Variants in FAM149A observed in about 807,000 individuals in gnomAD.
FAM149A encodes the protein protein FAM149A.
Under a neutral mutation model 78.2 loss-of-function variants are expected in FAM149A, and 71 were observed. The ratio of observed to expected loss-of-function variants is 0.91; its 90% confidence interval spans 0.75 to 1.11. FAM149A has a LOEUF of 1.11. FAM149A is among the 50% of genes least tolerant of loss of function. The pLI is 0.00. For missense variants in FAM149A, 1,036 were observed against 971.0 expected (o/e 1.07, Z -0.89); for synonymous variants, 446 against 410.5 (o/e 1.09, Z -1.04).
intron 1 of FAM149A, among the ~76,000 whole-genome samples, chr4:186,128,394 CAAG>C (rs1277049436): frequency 1.3e-5 from 2 of 151,714 alleles, no homozygotes; most frequent in African/African-American, 4.8e-5. Context: ...TTAGATGATA[CAAG>C]AGTGAAGGGA....
intron 1 of FAM149A, chr4:186,124,336 A>G (rs1234342126): frequency 7.9e-5 from 30 of 379,990 alleles, no homozygotes; most frequent in Non-Finnish European, 1.0e-4. Flanking sequence ...ATATGTATAC[A>G]TGTGCCATGT....
chr4:186,133,320 T>G, intron 1 of FAM149A: 1 of 422,114 alleles, frequency 2.4e-6, no homozygotes, highest in Non-Finnish European at 3.2e-6. Flanking sequence ...TTTCATCATC[T>G]CAAACAAACT....
In FAM149A at chr4:186,162,836, T is replaced by G. The variant is rs1266786843; in HGVS notation, c.1576-9T>G. The G allele has an allele frequency of 1.4e-5, 13 of 935,518 alleles. No homozygotes were observed. Among genetic ancestry groups the G allele is most frequent in the Non-Finnish European group, 2.0e-5 (12 of 604,656 alleles). The allele number at this position is 935,518 out of a possible 1,614,324, so 58.0% of individuals were successfully genotyped here. On this transcript the variant is annotated splice_polypyrimidine_tract_variant and intron_variant, in intron 8 of 13. Transcript: ENST00000389354. Reference sequence around the variant, plus strand: ...TTTTTTTTTTTTTTTTTTTTTTTACTGTTCTCAGATTCATCACTTCTCCAG... The same window carrying G: ...TTTTTTTTTTTTTTTTTTTTTTTACGGTTCTCAGATTCATCACTTCTCCAG...
Position 186,144,717 on chromosome 4 carries a change from TC to T in FAM149A, c.567-4455del. ...CGGGGAAGGCGCGCTTTCCCGGAGG[TC>T]GGCGCGGGGCCGGGGCCGGGGCCGG... On this transcript the variant is annotated intron_variant, in intron 1 of 13. Coordinates refer to ENST00000389354, the MANE Select transcript of FAM149A (RefSeq NM_001367768.3). The surrounding 1 kb of genome is among the most constrained non-coding windows in gnomAD (Gnocchi z 4.2). 2.3e-6 allele frequency: 1 copy of T among 443,386 alleles called. No individual in the cohort carries two copies. The highest frequency in any genetic ancestry group is 2.8e-6 in the Non-Finnish European group (1 of 362,236). 27.5% of individuals were successfully genotyped at this position (443,386 alleles called of 1,614,324 possible). A position where few individuals can be genotyped will look rare whatever the true frequency, so the allele number is the denominator to read the frequency against.
At chr4:186,119,775 T>C (rs1191061552) in intron 1 of FAM149A, among the ~76,000 whole-genome samples, 1 of 152,174 alleles carries the variant, frequency 6.6e-6, no homozygotes, top group Non-Finnish European at 1.5e-5. Flanking sequence ...GGGGATGTAT[T>C]GTAAAATGCA....
chr4:186,128,435 C>T (rs1172648131), intron 1 of FAM149A, among the ~76,000 whole-genome samples: 2 of 151,320 alleles, frequency 1.3e-5, no homozygotes, highest in Non-Finnish European at 2.9e-5. Flanking sequence ...ACTCATGTTG[C>T]AATTTTCTGT....
intron 1 of FAM149A, among the ~76,000 whole-genome samples, chr4:186,113,904 A>G (rs1466581275): frequency 1.3e-5 from 2 of 152,048 alleles, no homozygotes. Context: ...TATATGTCTA[A>G]TAGGTCCACT....
chr4:186,158,169 C>T lies in FAM149A; in HGVS notation c.1575+450C>T, dbSNP rs901494812. ...CGGCAGGCTGTGCTGAAGCTCACTG[C>T]TGCCACCAGAGCCACTCCAGCTGCT... On this transcript the variant is annotated intron_variant, in intron 8 of 13. Coordinates refer to ENST00000389354, the MANE Select transcript of FAM149A (RefSeq NM_001367768.3). 3 of 1,282,768 alleles carry T rather than the reference C, an allele frequency of 2.3e-6. No homozygotes were observed. In the Admixed American group the frequency reaches 7.0e-5, roughly 30 times the overall value. The allele number at this position is 1,282,768 out of a possible 1,614,324, so 79.5% of individuals were successfully genotyped here. A position where few individuals can be genotyped will look rare whatever the true frequency, so the allele number is the denominator to read the frequency against.
intron 13 of FAM149A, among the ~76,000 whole-genome samples, chr4:186,167,987 C>T (rs542359960): frequency 6.6e-6 from 1 of 152,234 alleles, no homozygotes; most frequent in Non-Finnish European, 1.5e-5. Flanking sequence ...ATGTATTGCT[C>T]AGAAATGATG....
intron 3 of FAM149A, chr4:186,151,140 C>T (rs1733544781): frequency 1.3e-6 from 1 of 784,026 alleles, no homozygotes; most frequent in Non-Finnish European, 1.5e-6. Flanking sequence ...GGACTCAGCT[C>T]AGCACTGCTA....
rs375498325 is a variant in FAM149A at position 186,164,430 on chromosome 4, T to C, written c.1889+797T>C. Reference sequence around the variant, plus strand: ...CCCCCGGCCTGCAGGGGAGCTGTTATCAGGAGCCGAGCTCAGGAGCGGGCG... The same window carrying C: ...CCCCCGGCCTGCAGGGGAGCTGTTACCAGGAGCCGAGCTCAGGAGCGGGCG... On this transcript the variant is annotated intron_variant, in intron 10 of 13. Coordinates refer to ENST00000389354, the MANE Select transcript of FAM149A (RefSeq NM_001367768.3). This position sits in a 1 kb window ranked among gnomAD's most constrained non-coding sequence, Gnocchi z 4.0. The C allele has an allele frequency of 1.0e-6, 1 of 985,178 alleles. No homozygotes were observed. Among genetic ancestry groups the C allele is most frequent in the East Asian group, 1.1e-4 (1 of 8,798 alleles). 61.0% of individuals were successfully genotyped at this position (985,178 alleles called of 1,614,324 possible).
At chr4:186,159,996 C>A (rs928765948) in intron 8 of FAM149A, among the ~76,000 whole-genome samples, 14 of 148,926 alleles carry the variant, frequency 9.4e-5, no homozygotes, top group Non-Finnish European at 1.8e-4. Flanking sequence ...ACACACTGCA[C>A]ACATCCCCCC....
chr4:186,111,106 A>G (rs2099311090), intron 1 of FAM149A, among the ~76,000 whole-genome samples: 2 of 141,232 alleles, frequency 1.4e-5, no homozygotes, highest in East Asian at 2.1e-4. Flanking sequence ...GTGAGATGGT[A>G]TCTCATTGTG....
chr4:186,147,241 A>G (rs993893990), intron 1 of FAM149A, among the ~76,000 whole-genome samples: 13 of 152,172 alleles, frequency 8.5e-5, no homozygotes, highest in African/African-American at 3.1e-4. Context: ...AAGTTAGCCA[A>G]GCATGGTGGT....
intron 8 of FAM149A, among the ~76,000 whole-genome samples, chr4:186,161,829 A>G (rs890500213): frequency 2.6e-5 from 4 of 152,262 alleles, no homozygotes; most frequent in Admixed American, 1.3e-4. Context: ...TGTGGTTGCC[A>G]CATGTGCTCA....
intron 1 of FAM149A, among the ~76,000 whole-genome samples, chr4:186,126,700 T>C (rs922009323): frequency 6.6e-6 from 1 of 152,112 alleles, no homozygotes; most frequent in African/African-American, 2.4e-5. Flanking sequence ...GGTTCTCAGA[T>C]CTTCACACTC....
chr4:186,137,274 GAGT>G (rs2099323814), intron 1 of FAM149A, among the ~76,000 whole-genome samples: 1 of 150,810 alleles, frequency 6.6e-6, no homozygotes, highest in Non-Finnish European at 1.5e-5. Context: ...CTATATAAAA[GAGT>G]AGCCACCTTT....
chr4:186,138,574 A>AGTGTCCTCT (rs2099324491), intron 1 of FAM149A, among the ~76,000 whole-genome samples: 1 of 152,096 alleles, frequency 6.6e-6, no homozygotes, highest in East Asian at 1.9e-4. Flanking sequence ...ACGTCTCCTC[A>AGTGTCCTCT]GTGTCCTCTG....
rs906399985 is a variant in FAM149A at position 186,131,826 on chromosome 4, C to A, written c.567-17347C>A. Reference sequence around the variant, plus strand: ...GCTAACAGACAAAATAATTGCTAACCAAAAAGTAAAAGTTACACTGCATTA... The same window carrying A: ...GCTAACAGACAAAATAATTGCTAACAAAAAAGTAAAAGTTACACTGCATTA... On this transcript the variant is annotated intron_variant, in intron 1 of 13. Coordinates refer to ENST00000389354, the MANE Select transcript of FAM149A (RefSeq NM_001367768.3). 3 of 929,588 alleles carry A rather than the reference C, an allele frequency of 3.2e-6. No individual in the cohort carries two copies. The South Asian group carries it at 1.5e-4, about 46-fold the overall frequency. The allele number at this position is 929,588 out of a possible 1,614,324, so 57.6% of individuals were successfully genotyped here.
Sources: gnomAD v4.1 joint callset for allele counts (sites outside exome capture counted in the v4.1 genomes callset) on GRCh38, gnomAD v4.1.1 for gene constraint, Gnocchi (gnomAD v3.1) non-coding constraint, MANE v1.5 for transcripts, NCBI Gene and HGNC (gene_info 2026-07-23, HGNC 2026-07-21) for gene names.